Variants in LRGUK observed in about 807,000 individuals in gnomAD.
The protein encoded by LRGUK is leucine rich repeats and guanylate kinase domain containing.
In LRGUK, 65 loss-of-function variants were observed where a neutral mutation model predicts 76.0. The observed-to-expected ratio is 0.85, with a 90% CI of 0.70 to 1.05. LRGUK has a LOEUF of 1.05. LRGUK is among the 50% of genes least tolerant of loss of function. The probability of loss-of-function intolerance (pLI) is 0.00; values close to 1 mark genes in which losing one functional copy is unlikely to be tolerated. For synonymous variants in LRGUK, 268 were observed against 265.6 expected, an observed-to-expected ratio of 1.01 and a Z score of -0.09; for missense variants, 758 against 732.8, an observed-to-expected ratio of 1.03 and a Z score of -0.40.
intron 1 of LRGUK, among the ~76,000 whole-genome samples, chr7:134,128,273 G>A (rs907263235): frequency 6.6e-6 from 1 of 152,156 alleles, no homozygotes; most frequent in Non-Finnish European, 1.5e-5. Flanking sequence ...GCTCATTGTG[G>A]GAATATTTTA....
At chr7:134,142,929 C>T (rs1291724454) in intron 3 of LRGUK, 133 bp from the exon 4 acceptor site, 13 of 562,132 alleles carry the variant, frequency 2.3e-5, no homozygotes, top group Non-Finnish European at 3.5e-5. Flanking sequence ...TCCTTTCACT[C>T]ATATGGAATA....
At chr7:134,241,763 C>T (rs1802159036) in intron 16 of LRGUK, among the ~76,000 whole-genome samples, 2 of 152,200 alleles carry the variant, frequency 1.3e-5, no homozygotes, top group Non-Finnish European at 2.9e-5. Context: ...TTCTTCTCAG[C>T]ACCACATCAC....
chr7:134,155,096 A>G (rs1798398659), intron 5 of LRGUK, among the ~76,000 whole-genome samples: 1 of 152,188 alleles, frequency 6.6e-6, no homozygotes, highest in Non-Finnish European at 1.5e-5. Flanking sequence ...CTCCTAAAAT[A>G]GGACTTAAAC....
Position 134,177,065 on chromosome 7 carries a change from T to C in LRGUK, c.1107+2T>C, listed in dbSNP as rs1206040713. ...AAGAAGATTAAAGTGGAAGAAAAGG[T>C]ATGTAATCATGTCATAACATTACCA... On this transcript the variant is annotated splice_donor_variant, in intron 9 of 15. Coordinates refer to ENST00000645682, the Ensembl canonical transcript of LRGUK. LOFTEE classifies it high-confidence loss of function. 1.9e-6 allele frequency: 3 copies of C among 1,570,902 alleles called. No homozygotes were observed. The South Asian group carries it at 3.4e-5, about 18-fold the overall frequency.
chr7:134,193,842 AC>A (rs1227335078), intron 12 of LRGUK, among the ~76,000 whole-genome samples: 2 of 152,014 alleles, frequency 1.3e-5, no homozygotes, highest in Non-Finnish European at 2.9e-5. Flanking sequence ...CAGCAGGCCC[AC>A]TGACGGACAG....
intron 16 of LRGUK, among the ~76,000 whole-genome samples, chr7:134,240,606 G>A (rs1225796102): frequency 6.6e-6 from 1 of 152,204 alleles, no homozygotes; most frequent in Non-Finnish European, 1.5e-5. Context: ...CTGGGAGAAT[G>A]GAACCAAGTT....
intron 10 of LRGUK, among the ~76,000 whole-genome samples, chr7:134,179,383 G>T (rs1054010510): frequency 6.6e-6 from 1 of 152,034 alleles, no homozygotes; most frequent in Non-Finnish European, 1.5e-5. Context: ...GGATATAAAT[G>T]GCTTCTCTTC....
At chr7:134,152,564 A>C (rs987948974) in intron 5 of LRGUK, among the ~76,000 whole-genome samples, 1 of 152,098 alleles carries the variant, frequency 6.6e-6, no homozygotes, top group East Asian at 1.9e-4. Context: ...TCAATTGACA[A>C]AATTTAAGAA....
chr7:134,140,963 CT>C (rs1466253145), intron 3 of LRGUK, among the ~76,000 whole-genome samples: 1 of 152,120 alleles, frequency 6.6e-6, no homozygotes, highest in African/African-American at 2.4e-5. Context: ...ATCAGAAGGC[CT>C]TTTCTAGTGT....
intron 16 of LRGUK, among the ~76,000 whole-genome samples, chr7:134,237,596 C>G (rs934596507): frequency 1.3e-5 from 2 of 152,086 alleles, no homozygotes; most frequent in African/African-American, 4.8e-5. Flanking sequence ...GTCTTTCTGT[C>G]TGTTATGACA....
At chr7:134,208,997 C>T (rs1801124518) in exon 16 of LRGUK, 3 of 399,070 alleles carry the variant, frequency 7.5e-6, no homozygotes, top group Non-Finnish European at 1.3e-5. Context: ...GGCCCAGGAC[C>T]TATCCCTAAA....
At chr7:134,166,830 T>A (rs1338596243) in intron 7 of LRGUK, among the ~76,000 whole-genome samples, 1 of 152,144 alleles carries the variant, frequency 6.6e-6, no homozygotes, top group African/African-American at 2.4e-5. Context: ...CCATTTAATG[T>A]CCCCGGCAAG....
intron 16 of LRGUK, among the ~76,000 whole-genome samples, chr7:134,241,786 A>G (rs1251046902): frequency 6.6e-6 from 1 of 152,236 alleles, no homozygotes; most frequent in Admixed American, 6.5e-5. Context: ...TTATTCCAAA[A>G]TTGAACACAT....
At chr7:134,263,078 C>T (rs961587189) in intron 19 of LRGUK, among the ~76,000 whole-genome samples, 14 of 150,314 alleles carry the variant, frequency 9.3e-5, no homozygotes, top group Non-Finnish European at 1.6e-4. Flanking sequence ...TGTCCTAAAA[C>T]GGTCAATGTT....
rs768813440 is a variant in LRGUK at position 134,221,767 on chromosome 7, T to C, written c.1844-12T>C. 2 of 1,470,630 alleles carry C rather than the reference T, an allele frequency of 1.4e-6. No homozygotes were observed. Among genetic ancestry groups the C allele is most frequent in the Non-Finnish European group, 1.8e-6 (2 of 1,114,600 alleles). The allele number at this position is 1,470,630 out of a possible 1,614,324, so 91.1% of individuals were successfully genotyped here. On this transcript the variant is annotated splice_polypyrimidine_tract_variant and intron_variant, in intron 15 of 19. Transcript: ENST00000285928. ...GACTTTTATTTTAAACTTTATTTTT[T>C]TTTCCTACCAGATGTTAAGACATCC... is the stretch of plus-strand genomic sequence containing the variant.
At chr7:134,135,800 C>CAT (rs1797503680) in intron 1 of LRGUK, among the ~76,000 whole-genome samples, 2 of 152,186 alleles carry the variant, frequency 1.3e-5, no homozygotes, top group Admixed American at 6.5e-5. Context: ...GGACTCCAGG[C>CAT]GCCCGCCACC....
At chr7:134,275,132 T>C in the LRGUK span, among the ~76,000 whole-genome samples, 1 of 152,158 alleles carries the variant, frequency 6.6e-6, no homozygotes, top group Admixed American at 6.5e-5. Flanking sequence ...ATTTTTTTCA[T>C]TTCTCCCTGT....
intron 7 of LRGUK, among the ~76,000 whole-genome samples, chr7:134,168,627 G>A (rs887135129): frequency 6.6e-6 from 1 of 152,162 alleles, no homozygotes; most frequent in Non-Finnish European, 1.5e-5. Flanking sequence ...AGTAAGGAAG[G>A]GAAGGAAGGC....
intron 5 of LRGUK, among the ~76,000 whole-genome samples, chr7:134,149,482 C>T (rs1339867058): frequency 6.6e-6 from 1 of 152,130 alleles, no homozygotes; most frequent in Non-Finnish European, 1.5e-5. Flanking sequence ...GGTACGTTTT[C>T]TTGAAGATGT....
Sources: allele counts gnomAD v4.1 joint callset (sites outside exome capture counted in the v4.1 genomes callset), GRCh38; gene constraint gnomAD v4.1.1; transcripts MANE v1.5; gene names NCBI Gene and HGNC (gene_info 2026-07-23, HGNC 2026-07-21).